ITGA6: variants seen among roughly 807,000 people sequenced by gnomAD.
ITGA6 encodes integrin alpha-6.
A neutral mutation model predicts 133.6 loss-of-function variants in ITGA6; 63 were observed. The observed-to-expected ratio is 0.47, with a 90% CI of 0.38 to 0.58. ITGA6 has a LOEUF of 0.58. ITGA6 is among the 20% of genes least tolerant of loss of function. ITGA6 has a pLI of 0.00. For synonymous variants in ITGA6, 434 were observed against 482.0 expected (o/e 0.90, Z 1.30); for missense variants, 1,068 against 1,309.4 (o/e 0.82, Z 2.85).
At chr2:172,482,039 A>G (rs1686464790) in intron 11 of ITGA6, among the ~76,000 whole-genome samples, 1 of 152,288 alleles carries the variant, frequency 6.6e-6, no homozygotes, top group Admixed American at 6.5e-5. Context: ...TCTGATGGCC[A>G]TTTTTTCAAA....
intron 1 of ITGA6, among the ~76,000 whole-genome samples, chr2:172,462,143 A>G (rs1685450409): frequency 6.6e-6 from 1 of 152,058 alleles, no homozygotes; most frequent in Non-Finnish European, 1.5e-5. Flanking sequence ...GTGTAGCTTT[A>G]CCTTACCTTT....
At chr2:172,474,846 T>C (rs190833496) in intron 6 of ITGA6, 83 bp from the exon 7 acceptor site, 1 of 788,042 alleles carries the variant, frequency 1.3e-6, no homozygotes, top group Non-Finnish European at 2.3e-6. Context: ...CTATTATATG[T>C]CTTTGTATCC....
intron 6 of ITGA6, 97 bp from the exon 7 acceptor site, chr2:172,474,832 C>T: frequency 1.3e-6 from 1 of 762,122 alleles, no homozygotes; most frequent in Admixed American, 1.8e-5. Context: ...AGTTGAGGGC[C>T]TTTCTATTAT....
intron 11 of ITGA6, among the ~76,000 whole-genome samples, chr2:172,482,602 A>C (rs1189659316): frequency 6.6e-6 from 1 of 151,568 alleles, no homozygotes; most frequent in Non-Finnish European, 1.5e-5. Flanking sequence ...CTGCACCCAC[A>C]CCTCCCATAC....
chr2:172,465,123 GCTT>G, intron 1 of ITGA6: 1 of 265,444 alleles, frequency 3.8e-6, no homozygotes. Context: ...ACATATTATT[GCTT>G]ATTACATTTA....
chr2:172,439,332 A>T (rs568492616), intron 1 of ITGA6, among the ~76,000 whole-genome samples: 1 of 152,018 alleles, frequency 6.6e-6, no homozygotes, highest in East Asian at 1.9e-4. Flanking sequence ...GAGTGTAGAA[A>T]ATGAGGCTCA....
In ITGA6 at chr2:172,505,818, G is replaced by A. The variant is rs1687537460; in HGVS notation, c.*1750G>A. The A allele has an allele frequency of 6.6e-6, 1 of 152,328 alleles. No individual in the cohort carries two copies. The highest frequency in any genetic ancestry group is 1.5e-5 in the Non-Finnish European group (1 of 67,958). The allele number at this position is 152,328 out of a possible 1,614,324, so 9.4% of individuals were successfully genotyped here. A position where few individuals can be genotyped will look rare whatever the true frequency, so the allele number is the denominator to read the frequency against. Reference sequence around the variant, plus strand: ...AATTCTTAGTCACAAAATATATTTTGTTTACAAAAATTTCTGTAAAACAGG... The same window carrying A: ...AATTCTTAGTCACAAAATATATTTTATTTACAAAAATTTCTGTAAAACAGG... On this transcript the variant is annotated 3_prime_UTR_variant, in exon 26 of 26. Transcript: ENST00000684293.
intron 1 of ITGA6, among the ~76,000 whole-genome samples, chr2:172,441,559 TAAAAAAAAAAAAAAAAAA>T (rs57828626): frequency 3.7e-4 from 18 of 48,856 alleles, no homozygotes; most frequent in Non-Finnish European, 4.2e-4. Flanking sequence ...GCTGTCTCTT[TAAAAAAAAAAAAAAAAAA>T]AAAAAAAAAA....
At chr2:172,448,806 G>A (rs1340481815) in intron 1 of ITGA6, among the ~76,000 whole-genome samples, 1 of 152,100 alleles carries the variant, frequency 6.6e-6, no homozygotes, top group Non-Finnish European at 1.5e-5. Flanking sequence ...TAAAAATAGG[G>A]TTTGGTTTTT....
chr2:172,469,694 G>T (rs1046206238), intron 4 of ITGA6, among the ~76,000 whole-genome samples: 11 of 152,156 alleles, frequency 7.2e-5, no homozygotes, highest in African/African-American at 2.7e-4. Context: ...GAAGCTGGAA[G>T]TGTTAATTTT....
chr2:172,465,647 CGAGTTT>C lies in ITGA6; in HGVS notation c.294_299del (p.Glu98_Phe99del). 1 of 1,614,214 alleles carries C rather than the reference CGAGTTT, an allele frequency of 6.2e-7. No individual in the cohort carries two copies. On this transcript the variant is annotated inframe_deletion, in exon 2 of 26. Coordinates refer to ENST00000684293, the MANE Select transcript of ITGA6 (RefSeq NM_000210.4). The stretch of plus-strand genomic sequence containing the variant: ...CCGCCCGGGGGCCATGCACGCGGAT[CGAGTTT>C]GATAACGATGGTGCGTTCCTTTCCC...
At position 172,428,197 on chromosome 2, in the gene ITGA6, G is replaced by C. The variant is rs936852915; in HGVS notation, c.182+227G>C. 4 of 271,542 alleles carry C rather than the reference G, an allele frequency of 1.5e-5. No homozygotes were observed. The East Asian group carries it at 3.0e-4, about 20-fold the overall frequency. 16.8% of individuals were successfully genotyped at this position (271,542 alleles called of 1,614,324 possible). A position where few individuals can be genotyped will look rare whatever the true frequency, so the allele number is the denominator to read the frequency against. ...GGGAAGGAGGAGAACCCGAGGGCTA[G>C]GCTGGGCCCCGGGAGAGTTTACTTT... is the stretch of plus-strand genomic sequence containing the variant. On this transcript the variant is annotated intron_variant, in intron 1 of 25. Transcript: ENST00000684293.
intron 1 of ITGA6, among the ~76,000 whole-genome samples, chr2:172,432,738 C>G (rs1009066446): frequency 1.3e-5 from 2 of 152,050 alleles, no homozygotes; most frequent in African/African-American, 2.4e-5. Context: ...GACTTTAGAA[C>G]CTAACCCCAG....
At chr2:172,487,888 A>T in intron 17 of ITGA6, 73 bp from the exon 18 acceptor site, 1 of 1,504,756 alleles carries the variant, frequency 6.6e-7, no homozygotes, top group Middle Eastern at 1.8e-4. Context: ...GATCTACCTC[A>T]TAAAAGAAGT....
At chr2:172,488,459 C>T (rs146592689) in intron 19 of ITGA6, among the ~76,000 whole-genome samples, 114 of 152,306 alleles carry the variant, frequency 7.5e-4, no homozygotes, top group African/African-American at 2.5e-3. Context: ...GTTTAGAATG[C>T]GTTATGATTT....
intron 1 of ITGA6, among the ~76,000 whole-genome samples, chr2:172,428,962 T>C (rs996105880): frequency 2.0e-5 from 3 of 152,198 alleles, no homozygotes; most frequent in Non-Finnish European, 4.4e-5. Context: ...AAATAGGCTG[T>C]AGCAACAAAA....
chr2:172,494,926 AT>A (rs1362099119), intron 23 of ITGA6, among the ~76,000 whole-genome samples: 1 of 152,208 alleles, frequency 6.6e-6, no homozygotes, highest in African/African-American at 2.4e-5. Flanking sequence ...GGGGAATAAG[AT>A]TTTCCCTTTT....
intron 1 of ITGA6, among the ~76,000 whole-genome samples, chr2:172,445,667 GA>G (rs1325005662): frequency 9.3e-4 from 123 of 132,286 alleles, no homozygotes; most frequent in African/African-American, 2.7e-3. Context: ...AAAAAAAAAA[GA>G]AAAAAAAAAG....
intron 11 of ITGA6, among the ~76,000 whole-genome samples, chr2:172,480,486 C>T (rs10190285): frequency 0.019 from 2,930 of 152,158 alleles, 79 homozygotes; most frequent in African/African-American, 0.067. Context: ...GCCAGGCTGC[C>T]TTCTCTTCCC....
Sources: allele counts gnomAD v4.1 joint callset (sites outside exome capture counted in the v4.1 genomes callset), GRCh38; gene constraint gnomAD v4.1.1; transcripts MANE v1.5; gene names NCBI Gene and HGNC (gene_info 2026-07-23, HGNC 2026-07-21).